Variants in ANKRD26 observed in about 807,000 individuals in gnomAD.
The protein encoded by ANKRD26 is ankyrin repeat domain 26.
A neutral mutation model predicts 208.7 loss-of-function variants in ANKRD26; 141 were observed. The ratio of observed to expected loss-of-function variants is 0.68; its 90% CI spans 0.59 to 0.78. The LOEUF is 0.78. Among genes scored for constraint, ANKRD26 ranks in the 30% least tolerant of loss-of-function variants. The pLI is 0.00. For missense variants in ANKRD26, 1,889 were observed against 1,938.7 expected, an observed-to-expected ratio of 0.97 and a Z score of 0.48; for synonymous variants, 636 against 660.4, an observed-to-expected ratio of 0.96 and a Z score of 0.57.
chr10:27,053,248 AT>A (rs2054723508), intron 16 of ANKRD26, 71 bp downstream of exon 16: 2 of 1,093,234 alleles, frequency 1.8e-6, no homozygotes, highest in Admixed American at 1.9e-5. Flanking sequence ...AAGTAATTTC[AT>A]TTGGACTATG....
downstream of ANKRD26, among the ~76,000 whole-genome samples, chr10:27,000,854 T>A (rs1321627404): frequency 6.6e-6 from 1 of 151,416 alleles, no homozygotes; most frequent in Non-Finnish European, 1.5e-5. Flanking sequence ...AAATGCAAAA[T>A]CAAAATTAGC....
In ANKRD26 at chr10:27,029,163, C is replaced by G. The variant is rs368839645; in HGVS notation, c.3878+123G>C. 102 of 1,261,010 alleles carry G rather than the reference C, an allele frequency of 8.1e-5. 1 individual carries two copies. Among genetic ancestry groups the G allele is most frequent in the East Asian group, 4.3e-4 (17 of 39,444 alleles). The allele number at this position is 1,261,010 out of a possible 1,614,324, so 78.1% of individuals were successfully genotyped here. On this transcript the variant is annotated intron_variant, in intron 26 of 33. Coordinates refer to ENST00000376087, the MANE Select transcript of ANKRD26 (RefSeq NM_014915.3). ...ATCCGCATTTCAAAATTGCTTAATG[C>G]TGAAATTTTTCCTTGACTTCACACA...
the ANKRD26 span, among the ~76,000 whole-genome samples, chr10:26,954,461 T>C: frequency 6.6e-6 from 1 of 152,322 alleles, no homozygotes; most frequent in Admixed American, 6.5e-5. Context: ...TCTTTTAACA[T>C]AAGCAAACTT....
At chr10:27,089,278 G>A (rs67068137) in intron 4 of ANKRD26, among the ~76,000 whole-genome samples, 19,590 of 152,114 alleles carry the variant, frequency 0.13, 1,407 homozygotes, top group East Asian at 0.29. Flanking sequence ...GAACCCCTTC[G>A]GTTCCTGAAA....
rs181596908 is a variant in ANKRD26, at chr10:27,076,358, G to A, written c.1077+980C>T. 5.9e-5 allele frequency among the ~76,000 whole-genome samples: 9 copies of A among 151,684 alleles called. No individual in the cohort carries two copies. The East Asian group carries it at 1.8e-3, about 30-fold the overall frequency. On this transcript the variant is annotated intron_variant, in intron 9 of 33. Coordinates refer to ENST00000376087, the MANE Select transcript of ANKRD26 (RefSeq NM_014915.3). ...GCTCACTGCAACCTCCACCTCCTAG[G>A]TTCAAGTGATTCTCCTGCCTCAGCC...
At chr10:27,042,484 T>G (rs1451612892) in intron 20 of ANKRD26, among the ~76,000 whole-genome samples, 1 of 152,152 alleles carries the variant, frequency 6.6e-6, no homozygotes, top group Admixed American at 6.5e-5. Flanking sequence ...CAGGGCGTGG[T>G]GGCTCACGCC....
At chr10:27,081,254 T>C (rs2055895740) in intron 6 of ANKRD26, among the ~76,000 whole-genome samples, 1 of 152,168 alleles carries the variant, frequency 6.6e-6, no homozygotes. Flanking sequence ...TCCAGTAATT[T>C]ATCATTATCG....
intron 13 of ANKRD26, 29 bp from the exon 14 acceptor site, chr10:27,060,569 T>C (rs75843059): frequency 1.4e-6 from 2 of 1,439,584 alleles, no homozygotes; most frequent in East Asian, 4.6e-5. Context: ...ATATAATCAA[T>C]TATACATAAA....
chr10:27,067,075 G>A, intron 10 of ANKRD26, 82 bp downstream of exon 10: 2 of 1,508,680 alleles, frequency 1.3e-6, no homozygotes, highest in African/African-American at 1.4e-5. Context: ...CCAAAGTGCT[G>A]GGATCACAGG....
At chr10:26,980,126 A>G (rs150205091) in intron 5 of ANKRD26, among the ~76,000 whole-genome samples, 69 of 152,288 alleles carry the variant, frequency 4.5e-4, no homozygotes, top group African/African-American at 1.4e-3. Context: ...ATCCCATAAT[A>G]TTGTCTCAAA....
chr10:26,991,042 C>T (rs993779780), downstream of ANKRD26, among the ~76,000 whole-genome samples: 9 of 152,172 alleles, frequency 5.9e-5, no homozygotes, highest in Non-Finnish European at 1.3e-4. Flanking sequence ...AGCTGAAACT[C>T]CCAGGAAAAG....
At chr10:27,037,847 A>G in intron 22 of ANKRD26, 24 bp downstream of exon 22, 9 of 1,540,368 alleles carry the variant, frequency 5.8e-6, no homozygotes, top group Non-Finnish European at 8.0e-6. Flanking sequence ...AAAAATATAA[A>G]ATTTTTATCA....
chr10:27,064,488 A>G (rs564708556), intron 11 of ANKRD26, among the ~76,000 whole-genome samples: 3 of 152,210 alleles, frequency 2.0e-5, no homozygotes, highest in Non-Finnish European at 4.4e-5. Context: ...AGAGGGAAAA[A>G]AAAGTGTATT....
chr10:27,050,163 T>G (rs2054597527), intron 16 of ANKRD26, among the ~76,000 whole-genome samples: 1 of 124,926 alleles, frequency 8.0e-6, no homozygotes. Flanking sequence ...GAGGTTGCAG[T>G]GAGCCAAGAT....
intron 5 of ANKRD26, among the ~76,000 whole-genome samples, chr10:26,977,465 G>A (rs948270507): frequency 4.2e-4 from 64 of 152,144 alleles, no homozygotes; most frequent in Non-Finnish European, 3.5e-4. Context: ...AGACTCAGAA[G>A]ATATAATATT....
chr10:27,093,492 T>C lies in ANKRD26; in HGVS notation c.388A>G (p.Thr130Ala), dbSNP rs757944325. The part of the protein sequence containing the change: ...AVQCQEEKCA[T>A]ILLEHGADPN... ...TCAGCACCATGTTCTAGCAGAATAG[T>C]TGCACATTTCTCTTCCTGGCATTGT... The change falls in exon 3 of 34, where the codon ACT (threonine) becomes GCT (alanine). Residue 130 changes from threonine (T) to alanine (A), a missense_variant. Around this residue, in one of 3 missense-constraint regions of ANKRD26, gnomAD observed 1,272 missense variants for 1,273.8 expected, o/e 1.00. Transcript: ENST00000376087. 4.3e-6 allele frequency: 7 copies of C among 1,614,092 alleles called. No individual in the cohort carries two copies. Among genetic ancestry groups the C allele is most frequent in the African/African-American group, 4.0e-5 (3 of 74,944 alleles).
chr10:27,073,903 G>A (rs1224931832), intron 9 of ANKRD26, among the ~76,000 whole-genome samples: 1 of 151,982 alleles, frequency 6.6e-6, no homozygotes, highest in Non-Finnish European at 1.5e-5. Flanking sequence ...TCTCTGTAAC[G>A]AAGGAGCTCA....
intron 9 of ANKRD26, among the ~76,000 whole-genome samples, chr10:27,072,773 A>C (rs1008881792): frequency 2.0e-5 from 3 of 152,230 alleles, no homozygotes; most frequent in Non-Finnish European, 4.4e-5. Context: ...TTTCTGGCTA[A>C]CCAGGAGGTC....
At chr10:27,070,597 G>C (rs1211475264) in intron 9 of ANKRD26, among the ~76,000 whole-genome samples, 3 of 152,026 alleles carry the variant, frequency 2.0e-5, no homozygotes, top group Non-Finnish European at 2.9e-5. Context: ...AGTTAACAAA[G>C]CTTCCTGACG....
Sources: allele counts gnomAD v4.1 joint callset (sites outside exome capture counted in the v4.1 genomes callset), GRCh38; gene constraint gnomAD v4.1.1; regional missense constraint gnomAD v4.1.1; transcripts MANE v1.5; gene names NCBI Gene and HGNC (gene_info 2026-07-23, HGNC 2026-07-21).